CAST: variants seen among roughly 807,000 people sequenced by gnomAD.
CAST encodes the protein calpastatin, also known as MIR583 host.
In CAST, 76 loss-of-function variants were observed where a neutral mutation model predicts 119.6. The ratio of observed to expected loss-of-function variants is 0.64; its 90% CI spans 0.53 to 0.77. The LOEUF (loss-of-function observed/expected upper bound fraction) is 0.77. Ranked by LOEUF, CAST falls within the 30% of genes least tolerant of loss-of-function variation. The pLI is 0.00. For missense variants in CAST, 953 were observed against 946.5 expected, an observed-to-expected ratio of 1.01 and a Z score of -0.09; for synonymous variants, 319 against 331.6, an observed-to-expected ratio of 0.96 and a Z score of 0.41.
chr5:96,013,939 C>T, the CAST span, among the ~76,000 whole-genome samples: 2 of 152,064 alleles, frequency 1.3e-5, no homozygotes, highest in African/African-American at 4.8e-5. Flanking sequence ...AAACACTGTA[C>T]ATTTAAGCTA....
the CAST span, among the ~76,000 whole-genome samples, chr5:96,464,276 GT>G: frequency 6.6e-6 from 1 of 151,822 alleles, no homozygotes; most frequent in Admixed American, 6.6e-5. Context: ...ATTATAAACT[GT>G]TTTTCTATGT....
At chr5:96,685,018 T>G (rs1267472818) in intron 2 of CAST, among the ~76,000 whole-genome samples, 1 of 151,414 alleles carries the variant, frequency 6.6e-6, no homozygotes, top group African/African-American at 2.4e-5. Flanking sequence ...AAAAAACAAC[T>G]GAACACTTTG....
At chr5:96,004,189 A>C in the CAST span, among the ~76,000 whole-genome samples, 1 of 152,260 alleles carries the variant, frequency 6.6e-6, no homozygotes. Flanking sequence ...TGAAAGAAGA[A>C]GTGCAATCAT....
intron 1 of CAST, among the ~76,000 whole-genome samples, chr5:96,645,310 C>T (rs1470161667): frequency 1.3e-5 from 2 of 152,120 alleles, no homozygotes; most frequent in Non-Finnish European, 2.9e-5. Context: ...ACATGAGATC[C>T]ACATGACTTA....
chr5:96,414,334 C>T, the CAST span, among the ~76,000 whole-genome samples: 1 of 152,208 alleles, frequency 6.6e-6, no homozygotes, highest in African/African-American at 2.4e-5. Context: ...ACCTTACAAC[C>T]ACCATTTGAG....
chr5:96,460,378 G>A, the CAST span, among the ~76,000 whole-genome samples: 1 of 151,984 alleles, frequency 6.6e-6, no homozygotes, highest in African/African-American at 2.4e-5. Context: ...GGGCCTGTCA[G>A]GTGGTTGGAG....
At chr5:96,310,622 G>T in the CAST span, among the ~76,000 whole-genome samples, 4 of 150,224 alleles carry the variant, frequency 2.7e-5, no homozygotes, top group African/African-American at 4.9e-5. Context: ...CTCATTATTG[G>T]TTTATTCAGA....
chr5:96,721,840 T>C (rs1421281543), intron 3 of CAST, among the ~76,000 whole-genome samples: 1 of 152,190 alleles, frequency 6.6e-6, no homozygotes, highest in Non-Finnish European at 1.5e-5. Context: ...TCACAGGGGC[T>C]GATTGCACCA....
chr5:96,426,566 G>A, the CAST span, among the ~76,000 whole-genome samples: 1 of 152,100 alleles, frequency 6.6e-6, no homozygotes, highest in African/African-American at 2.4e-5. Context: ...TATGCAAAGA[G>A]ATCTGACAAT....
the CAST span, among the ~76,000 whole-genome samples, chr5:96,142,148 C>T: frequency 6.6e-6 from 1 of 152,174 alleles, no homozygotes; most frequent in African/African-American, 2.4e-5. Flanking sequence ...CACAGTGGCT[C>T]ACACCTGTAA....
chr5:96,709,841 T>C (rs1755740617), intron 3 of CAST, among the ~76,000 whole-genome samples: 1 of 152,224 alleles, frequency 6.6e-6, no homozygotes, highest in African/African-American at 2.4e-5. Context: ...TCCTGGCAGC[T>C]GAGCTGTATA....
At chr5:96,654,425 A>G (rs1748131086) in intron 1 of CAST, among the ~76,000 whole-genome samples, 1 of 152,266 alleles carries the variant, frequency 6.6e-6, no homozygotes, top group African/African-American at 2.4e-5. Flanking sequence ...CAAACTGTGG[A>G]GTACATAATG....
chr5:96,404,698 G>A, the CAST span, among the ~76,000 whole-genome samples: 8 of 152,314 alleles, frequency 5.3e-5, no homozygotes, highest in South Asian at 1.7e-3. Context: ...GGCTGTGGGA[G>A]GCTGCAAGGT....
chr5:96,491,275 G>T, the CAST span, among the ~76,000 whole-genome samples: 2 of 151,532 alleles, frequency 1.3e-5, no homozygotes, highest in Admixed American at 1.3e-4. Flanking sequence ...CACGAGGTCA[G>T]GAGATCGAGA....
intron 1 of CAST, among the ~76,000 whole-genome samples, chr5:96,535,386 T>TAAA (rs35159742): frequency 6.6e-6 from 1 of 151,782 alleles, no homozygotes; most frequent in African/African-American, 2.4e-5. Flanking sequence ...AGATAAAATG[T>TAAA]AAAAAATCAG....
chr5:95,981,040 G>A, the CAST span, among the ~76,000 whole-genome samples: 1 of 152,142 alleles, frequency 6.6e-6, no homozygotes, highest in Non-Finnish European at 1.5e-5. Context: ...AATTGTTGGT[G>A]AGGACAGGCT....
At chr5:96,412,052 G>T in the CAST span, among the ~76,000 whole-genome samples, 1 of 152,136 alleles carries the variant, frequency 6.6e-6, no homozygotes, top group Non-Finnish European at 1.5e-5. Flanking sequence ...GTAGAGGTGG[G>T]GTTTCTCCAT....
chr5:96,269,934 A>G, the CAST span, among the ~76,000 whole-genome samples: 1 of 152,190 alleles, frequency 6.6e-6, no homozygotes, highest in Non-Finnish European at 1.5e-5. Flanking sequence ...CAAGGACACA[A>G]CAAAAAAGAA....
chr5:95,997,612 G>A, the CAST span, among the ~76,000 whole-genome samples: 1 of 152,136 alleles, frequency 6.6e-6, no homozygotes, highest in Non-Finnish European at 1.5e-5. Context: ...ACTCAGAATA[G>A]ATGTGTCTAC....
Sources: allele counts gnomAD v4.1 joint callset (sites outside exome capture counted in the v4.1 genomes callset), GRCh38; gene constraint gnomAD v4.1.1; transcripts MANE v1.5; gene names NCBI Gene and HGNC (gene_info 2026-07-23, HGNC 2026-07-21).